The following VWA3A variants were observed in gnomAD, a reference collection of about 807,000 sequenced individuals.
The protein encoded by VWA3A is von Willebrand factor A domain containing 3A, also known as von Willebrand factor A domain-containing protein 3A.
In VWA3A, 134 loss-of-function variants were observed where a neutral mutation model predicts 160.4. The observed-to-expected ratio is 0.84, with a 90% confidence interval of 0.73 to 0.96. VWA3A has a LOEUF of 0.96. Among genes scored for constraint, VWA3A ranks in the 40% least tolerant of loss-of-function variants. VWA3A has a pLI of 0.00. For missense variants in VWA3A, 1,310 were observed against 1,447.9 expected, an observed-to-expected ratio of 0.90 and a Z score of 1.55; for synonymous variants, 476 against 543.4, an observed-to-expected ratio of 0.88 and a Z score of 1.72.
chr16:22,092,608 G>A lies in VWA3A; in HGVS notation c.-30G>A, dbSNP rs754722002. 5 of 1,550,202 alleles carry A rather than the reference G, an allele frequency of 3.2e-6. No individual in the cohort carries two copies. Among genetic ancestry groups the A allele is most frequent in the Middle Eastern group, 1.7e-4 (1 of 5,970 alleles). On this transcript the variant is annotated 5_prime_UTR_variant, in exon 1 of 34. Coordinates refer to ENST00000389398, the MANE Select transcript of VWA3A (RefSeq NM_173615.5). The stretch of plus-strand genomic sequence containing the variant: ...GGAGAAGTAAGGCCCTGGAGTGCCA[G>A]GAGCCCTTCTCCCAAAGATGGAGAA...
At chr16:22,108,215 G>A (rs957442789) in intron 6 of VWA3A, among the ~76,000 whole-genome samples, 9 of 152,038 alleles carry the variant, frequency 5.9e-5, no homozygotes, top group Admixed American at 2.0e-4. Flanking sequence ...GGAGGAAGAG[G>A]TAGCATACTG....
chr16:22,123,649 C>T lies in VWA3A; in HGVS notation c.1474C>T (p.Arg492Trp), dbSNP rs765562025. 66 of 1,613,798 alleles carry T rather than the reference C, an allele frequency of 4.1e-5. No homozygotes were observed. The highest frequency in any genetic ancestry group is 1.6e-4 in the Middle Eastern group (1 of 6,082). ...CAGAGCTATGCGGATGTATGAGAGG[C>T]GGATTGAGTGGCTCTCCCTGGCCAG... is the stretch of plus-strand genomic sequence containing the variant. ...LSRAMRMYER[R>W]IEWLSLASRR... The change falls in exon 16 of 34, where the codon CGG becomes TGG. Residue 492 changes from arginine to tryptophan, a missense_variant. By Grantham distance (101) the Arg-to-Trp change is moderately radical (BLOSUM62 -3). Coordinates refer to ENST00000389398, the MANE Select transcript of VWA3A (RefSeq NM_173615.5).
chr16:22,130,927 GC>G (rs2045935869), intron 17 of VWA3A, among the ~76,000 whole-genome samples: 1 of 151,952 alleles, frequency 6.6e-6, no homozygotes, highest in Admixed American at 6.5e-5. Context: ...AGTGAGAGAA[GC>G]CATGCTAGGG....
chr16:22,109,589 G>C lies in VWA3A; in HGVS notation c.582+9G>C. 1 of 1,612,124 alleles carries C rather than the reference G, an allele frequency of 6.2e-7. No individual in the cohort carries two copies. The highest frequency in any genetic ancestry group is 2.2e-5 in the East Asian group (1 of 44,880). On this transcript the variant is annotated intron_variant, in intron 7 of 33. Coordinates refer to ENST00000389398, the MANE Select transcript of VWA3A (RefSeq NM_173615.5). ...TCCAAAAGGACCTCATGGTAAGTCT[G>C]TCTGGCACAGAGAAACACCTGGAAC...
intron 14 of VWA3A, among the ~76,000 whole-genome samples, chr16:22,122,255 G>A (rs1402484751): frequency 2.0e-5 from 3 of 150,430 alleles, no homozygotes. Context: ...ATGGATGGAT[G>A]GATGAGTGGA....
At chr16:22,105,699 G>A (rs371555511) in intron 6 of VWA3A, among the ~76,000 whole-genome samples, 1 of 152,278 alleles carries the variant, frequency 6.6e-6, no homozygotes, top group East Asian at 1.9e-4. Flanking sequence ...TACTTGTCCA[G>A]TTATTTCTAT....
chr16:22,113,013 C>A (rs936660497), intron 8 of VWA3A, among the ~76,000 whole-genome samples: 3 of 152,184 alleles, frequency 2.0e-5, no homozygotes, highest in African/African-American at 4.8e-5. Flanking sequence ...TGAACAAGAA[C>A]GTTTTTTACT....
At chr16:22,132,173 C>T (rs1011655380) in intron 19 of VWA3A, among the ~76,000 whole-genome samples, 2 of 152,008 alleles carry the variant, frequency 1.3e-5, no homozygotes, top group Admixed American at 6.6e-5. Context: ...CACCTGAGGT[C>T]GGGAGTTTGA....
chr16:22,112,385 A>G (rs2045565384), intron 8 of VWA3A, among the ~76,000 whole-genome samples: 1 of 152,176 alleles, frequency 6.6e-6, no homozygotes, highest in South Asian at 2.1e-4. Flanking sequence ...AAGATGCCCA[A>G]AGTGGTAGAG....
At chr16:22,102,603 T>A (rs765511056) in intron 5 of VWA3A, among the ~76,000 whole-genome samples, 1 of 152,168 alleles carries the variant, frequency 6.6e-6, no homozygotes, top group East Asian at 1.9e-4. Context: ...AAGCCAGGCA[T>A]GCAATAAGGC....
At position 22,121,048 on chromosome 16, in the gene VWA3A, G is replaced by A; in HGVS notation, c.1197G>A (p.Glu399=). Residue 399 remains glutamate (E), a synonymous_variant, in exon 13 of 34, where the codon GAG becomes GAA. Coordinates refer to ENST00000389398, the MANE Select transcript of VWA3A (RefSeq NM_173615.5). ...PPKHDAPLTI[E]FPNLDKTSAE... ...AGCATGACGCTCCTCTCACCATTGA[G>A]TTTCCAAACTTGGACAAGACTTCTG... 3 of 1,613,982 alleles carry A rather than the reference G, an allele frequency of 1.9e-6. No homozygotes were observed. Among genetic ancestry groups the A allele is most frequent in the Non-Finnish European group, 2.5e-6 (3 of 1,179,884 alleles).
chr16:22,138,227 T>G, intron 21 of VWA3A, 133 bp from the exon 22 acceptor site: 1 of 1,125,090 alleles, frequency 8.9e-7, no homozygotes, highest in Non-Finnish European at 1.2e-6. Context: ...CCCAGGTGGC[T>G]TTCTAGGGAC....
At chr16:22,140,643 C>T (rs2046130069) in intron 23 of VWA3A, among the ~76,000 whole-genome samples, 1 of 149,548 alleles carries the variant, frequency 6.7e-6, no homozygotes, top group South Asian at 2.1e-4. Context: ...CAGAGTCTCG[C>T]TCTGTCACCC....
At chr16:22,114,064 G>A (rs774886004) in intron 8 of VWA3A, among the ~76,000 whole-genome samples, 4 of 151,278 alleles carry the variant, frequency 2.6e-5, no homozygotes, top group Non-Finnish European at 2.9e-5. Flanking sequence ...AAATAAATAC[G>A]ATGAGAGCAA....
intron 10 of VWA3A, 40 bp from the exon 11 acceptor site, chr16:22,117,071 G>T (rs761190135): frequency 6.4e-7 from 1 of 1,557,380 alleles, no homozygotes; most frequent in South Asian, 1.2e-5. Flanking sequence ...GAGTATTGGT[G>T]TTGCCCTAGT....
At position 22,109,505 on chromosome 16, in the gene VWA3A, C is replaced by G; in HGVS notation, c.507C>G (p.Ala169=). ...AGGCATTTGGCCTCATCAAAGGGGC[C>G]AGAGTCAGCATCCTCATAGATGTGT... ...SKKAFGLIKG[A]RVSILIDVSA... is the part of the protein sequence containing the mutation. Residue 169 remains alanine, a synonymous_variant, in exon 7 of 34, where the codon GCC becomes GCG. Transcript: ENST00000389398. The G allele has an allele frequency of 1.2e-6, 2 of 1,609,860 alleles. No individual in the cohort carries two copies. Among genetic ancestry groups the G allele is most frequent in the South Asian group, 1.1e-5 (1 of 89,912 alleles).
chr16:22,140,821 A>G lies in VWA3A; in HGVS notation c.2383+577A>G, dbSNP rs1404416064. Reference sequence around the variant, plus strand: ...GAGACGGGGTTTCACCATGTTGCCCAGGCTGGTCTACAACTCCTGAGCTCA... The same window carrying G: ...GAGACGGGGTTTCACCATGTTGCCCGGGCTGGTCTACAACTCCTGAGCTCA... On this transcript the variant is annotated intron_variant, in intron 23 of 33. Transcript: ENST00000389398. Among the ~76,000 whole-genome samples, 3 of 152,066 alleles carry G rather than the reference A, an allele frequency of 2.0e-5. No individual in the cohort carries two copies. The East Asian group carries it at 5.8e-4, about 29-fold the overall frequency.
chr16:22,150,739 C>T lies in VWA3A; in HGVS notation c.3174C>T (p.Thr1058=), dbSNP rs199735542. Residue 1058 remains threonine, a synonymous_variant, in exon 30 of 34, where the codon ACC becomes ACT. Coordinates refer to ENST00000389398, the MANE Select transcript of VWA3A (RefSeq NM_173615.5). Reference sequence around the variant, plus strand: ...ATCTGGAAGGATTGTACCTCCTGACCGACGGAAAGCCAGACACAAGCTGCA... The same window carrying T: ...ATCTGGAAGGATTGTACCTCCTGACTGACGGAAAGCCAGACACAAGCTGCA... ...FHDLEGLYLL[T]DGKPDTSCSL... The T allele has an allele frequency of 1.3e-4, 212 of 1,611,914 alleles. No individual in the cohort carries two copies. In the African/African-American group the frequency reaches 2.5e-3, roughly 19 times the overall value.
At chr16:22,120,871 GA>G in intron 12 of VWA3A, 96 bp from the exon 13 acceptor site, 1 of 1,459,942 alleles carries the variant, frequency 6.8e-7, no homozygotes, top group Non-Finnish European at 9.3e-7. Flanking sequence ...GAGTGTTTAA[GA>G]AGCTCCACTT....
Sources: allele counts gnomAD v4.1 joint callset (sites outside exome capture counted in the v4.1 genomes callset), GRCh38; gene constraint gnomAD v4.1.1; transcripts MANE v1.5; gene names NCBI Gene and HGNC (gene_info 2026-07-23, HGNC 2026-07-21).